TSPEAR: variants seen among roughly 807,000 people sequenced by gnomAD.
The protein encoded by TSPEAR is thrombospondin type laminin G domain and EAR repeats, also known as thrombospondin-type laminin G domain and EAR repeat-containing protein.
TSPEAR carries 69 observed loss-of-function variants against 71.6 expected under a neutral mutation model. That is an observed-to-expected ratio of 0.96 (90% CI 0.79 to 1.18). TSPEAR has a LOEUF of 1.18. Ranked by LOEUF, TSPEAR falls within the 50% of genes most tolerant of loss-of-function variation. The pLI is 0.00. For missense variants in TSPEAR, 971 were observed against 894.9 expected (o/e 1.09, Z -1.09); for synonymous variants, 402 against 387.2 (o/e 1.04, Z -0.45).
chr21:44,711,437 G>A lies in TSPEAR; in HGVS notation c.78C>T (p.Cys26=), dbSNP rs1555953604. ...GTTCCCATGCCCCTGCCTTACCTGT[G>A]CAGGGCTCCCAACCCTGCGTGCCGT... ...PGHGTQGWEP[C]TDLRPLDILA... is the part of the protein sequence containing the mutation. The change falls in exon 1 of 12, where the codon TGC becomes TGT. Residue 26 remains cysteine (C), a synonymous_variant. Transcript: ENST00000323084. The surrounding 1 kb of genome is among the most constrained non-coding windows in gnomAD (Gnocchi z 4.5). The A allele has an allele frequency of 6.2e-7, 1 of 1,603,166 alleles. No individual in the cohort carries two copies. The highest frequency in any genetic ancestry group is 8.5e-7 in the Non-Finnish European group (1 of 1,175,380).
chr21:44,521,354 G>A (rs118126179), intron 9 of TSPEAR, among the ~76,000 whole-genome samples: 2,144 of 152,324 alleles, frequency 0.014, 28 homozygotes, highest in Non-Finnish European at 0.024. Flanking sequence ...ATAAGCACCT[G>A]TTGCTGCCTC....
At chr21:44,626,025 G>T (rs367876765) in intron 1 of TSPEAR, among the ~76,000 whole-genome samples, 2 of 152,182 alleles carry the variant, frequency 1.3e-5, no homozygotes, top group African/African-American at 4.8e-5. Context: ...GTGGGGACAG[G>T]TCTGACCCAG....
At chr21:44,651,794 G>A (rs1555941469) in intron 1 of TSPEAR, among the ~76,000 whole-genome samples, 2 of 152,116 alleles carry the variant, frequency 1.3e-5, no homozygotes, top group South Asian at 2.1e-4. Context: ...ACCAGGATGT[G>A]GACATCATTG....
intron 2 of TSPEAR, among the ~76,000 whole-genome samples, chr21:44,548,271 CCTGA>C (rs1186536443): frequency 2.6e-5 from 4 of 152,366 alleles, no homozygotes; most frequent in African/African-American, 9.6e-5. Flanking sequence ...CTGCTGCCTT[CCTGA>C]CTGTCACCCA....
chr21:44,697,515 G>T (rs1278947559), intron 1 of TSPEAR: 2 of 1,613,450 alleles, frequency 1.2e-6, no homozygotes, highest in Non-Finnish European at 1.7e-6. Flanking sequence ...CAGGCCTGCT[G>T]CGTGCCCGTC....
intron 9 of TSPEAR, among the ~76,000 whole-genome samples, chr21:44,512,051 A>C (rs1182229415): frequency 1.3e-5 from 2 of 152,134 alleles, no homozygotes; most frequent in African/African-American, 4.8e-5. Context: ...CGGACAGGGG[A>C]GTTGGCAGCA....
chr21:44,540,985 T>A (rs1395944851), intron 2 of TSPEAR, among the ~76,000 whole-genome samples: 4 of 152,030 alleles, frequency 2.6e-5, no homozygotes, highest in East Asian at 1.9e-4. Context: ...TTTATTTTTT[T>A]TTTTTTTTGT....
chr21:44,588,745 T>G (rs1413378719), intron 1 of TSPEAR, among the ~76,000 whole-genome samples: 1 of 35,092 alleles, frequency 2.8e-5, no homozygotes, highest in Non-Finnish European at 6.4e-5. Flanking sequence ...TGTATATATA[T>G]GTTATATATA....
rs512214 is a variant in TSPEAR at position 44,600,642 on chromosome 21, T to C, written c.83-32637A>G. The C allele has an allele frequency of 3.0e-3, 4,827 of 1,612,616 alleles. 122 individuals carry two copies. The African/African-American group carries it at 0.056, about 19-fold the overall frequency. ...CCAGCATGGCTGCGTCCACTATGTC[T>C]GTCTGCTCCAGCGACCTGAGCTACG... On this transcript the variant is annotated intron_variant, in intron 1 of 11. Coordinates refer to ENST00000323084, the MANE Select transcript of TSPEAR (RefSeq NM_144991.3).
At chr21:44,556,404 A>G (rs946030048) in intron 2 of TSPEAR, among the ~76,000 whole-genome samples, 2 of 148,628 alleles carry the variant, frequency 1.3e-5, no homozygotes, top group Non-Finnish European at 1.5e-5. Context: ...AAAAAAAAAA[A>G]CCAAAAGACC....
At chr21:44,531,005 C>A in intron 4 of TSPEAR, 38 bp downstream of exon 4, 1 of 1,547,684 alleles carries the variant, frequency 6.5e-7, no homozygotes, top group Non-Finnish European at 8.9e-7. Context: ...TCCCATCCCG[C>A]AGCACGGGTG....
At chr21:44,665,082 C>T (rs1555944401) in intron 1 of TSPEAR, among the ~76,000 whole-genome samples, 2 of 152,156 alleles carry the variant, frequency 1.3e-5, no homozygotes, top group Admixed American at 6.5e-5. Flanking sequence ...TTCATGGATT[C>T]GAATGTGTTC....
chr21:44,637,326 A>G, intron 1 of TSPEAR: 1 of 1,447,908 alleles, frequency 6.9e-7, no homozygotes, highest in Non-Finnish European at 9.4e-7. Flanking sequence ...GGGCATATAA[A>G]AGCCCCAGCA....
At chr21:44,631,412 T>G (rs948067584) in intron 1 of TSPEAR, among the ~76,000 whole-genome samples, 1 of 152,286 alleles carries the variant, frequency 6.6e-6, no homozygotes, top group Non-Finnish European at 1.5e-5. Flanking sequence ...TACTCCAGTC[T>G]GAAGGGCATA....
At chr21:44,686,480 G>A in intron 1 of TSPEAR, 1 of 152,324 alleles carries the variant, frequency 6.6e-6, no homozygotes, top group Non-Finnish European at 1.5e-5. Flanking sequence ...GCTCTGCTGT[G>A]CCGGCCCCTG....
At chr21:44,571,102 CTT>C (rs1223656875) in intron 1 of TSPEAR, among the ~76,000 whole-genome samples, 1 of 152,212 alleles carries the variant, frequency 6.6e-6, no homozygotes, top group Non-Finnish European at 1.5e-5. Flanking sequence ...AACACCAACT[CTT>C]TTCATGAAGG....
At chr21:44,639,047 G>A (rs587598779) in intron 1 of TSPEAR, among the ~76,000 whole-genome samples, 7 of 152,134 alleles carry the variant, frequency 4.6e-5, no homozygotes, top group Non-Finnish European at 8.8e-5. Flanking sequence ...CTCAGGCATC[G>A]CTGGCGAGAG....
At chr21:44,502,673 AG>A (rs1569147092) in intron 11 of TSPEAR, among the ~76,000 whole-genome samples, 1 of 152,262 alleles carries the variant, frequency 6.6e-6, no homozygotes, top group African/African-American at 2.4e-5. Flanking sequence ...CACCCGGGGC[AG>A]GGCCCCAGCT....
In TSPEAR at chr21:44,685,802, G is replaced by T. The variant is rs558840756; in HGVS notation, c.82+25631C>A. 6.6e-5 allele frequency among the ~76,000 whole-genome samples: 10 copies of T among 152,310 alleles called. No individual in the cohort carries two copies. In the South Asian group the frequency reaches 2.1e-3, roughly 32 times the overall value. Reference sequence around the variant, plus strand: ...GTGAAACTAAGCAGTCCAGATCCCTGCACCTCTGCAGTGGTGCAGACACGC... The same window carrying T: ...GTGAAACTAAGCAGTCCAGATCCCTTCACCTCTGCAGTGGTGCAGACACGC... On this transcript the variant is annotated intron_variant, in intron 1 of 11. Coordinates refer to ENST00000323084, the MANE Select transcript of TSPEAR (RefSeq NM_144991.3).
Sources: gnomAD v4.1 joint callset for allele counts (sites outside exome capture counted in the v4.1 genomes callset) on GRCh38, gnomAD v4.1.1 for gene constraint, Gnocchi (gnomAD v3.1) non-coding constraint, MANE v1.5 for transcripts, NCBI Gene and HGNC (gene_info 2026-07-23, HGNC 2026-07-21) for gene names.